The following PCDH15 variants were observed in gnomAD, a reference collection of about 807,000 sequenced individuals.
PCDH15 encodes the protein protocadherin related 15.
In PCDH15, 129 loss-of-function variants were observed where a neutral mutation model predicts 178.5. The observed-to-expected ratio is 0.72, with a 90% CI of 0.63 to 0.84. PCDH15 has a LOEUF of 0.84. Ranked by LOEUF, PCDH15 falls within the 40% of genes least tolerant of loss-of-function variation. The pLI is 0.00. For missense variants in PCDH15, 2,230 were observed against 2,099.9 expected, an observed-to-expected ratio of 1.06 and a Z score of -1.21; for synonymous variants, 800 against 732.0, an observed-to-expected ratio of 1.09 and a Z score of -1.50.
intron 14 of PCDH15, among the ~76,000 whole-genome samples, chr10:54,151,755 A>G (rs1701549169): frequency 6.6e-6 from 1 of 152,182 alleles, no homozygotes; most frequent in African/African-American, 2.4e-5. Flanking sequence ...AGTAATTAAT[A>G]TATAAATCTC....
chr10:55,598,553 TATATA>T (rs1842989997), intron 2 of PCDH15, among the ~76,000 whole-genome samples: 1 of 91,748 alleles, frequency 1.1e-5, no homozygotes, highest in Non-Finnish European at 2.1e-5. Flanking sequence ...TATATATATA[TATATA>T]TATATATATA....
Position 53,882,181 on chromosome 10 carries a change from G to C in PCDH15, c.3502-15324C>G, listed in dbSNP as rs184387914. ...TGAGGCAGGGCTTGCATGTCTGTGA[G>C]ACTTGCTGGCTCCTTGCTTCTAGCA... On this transcript the variant is annotated intron_variant, in intron 26 of 37. Coordinates refer to ENST00000644397, the MANE Select transcript of PCDH15 (RefSeq NM_001384140.1). 2.0e-5 allele frequency among the ~76,000 whole-genome samples: 3 copies of C among 152,072 alleles called. No homozygotes were observed. In the East Asian group the frequency reaches 5.8e-4, roughly 30 times the overall value.
At chr10:54,664,431 C>T in intron 1 of PCDH15, 141 bp from the exon 2 acceptor site, 1 of 645,980 alleles carries the variant, frequency 1.5e-6, no homozygotes, top group South Asian at 1.7e-5. Context: ...CAAAGTAACA[C>T]ACTGGTTTAA....
chr10:55,549,414 T>C (rs566294434), intron 2 of PCDH15, among the ~76,000 whole-genome samples: 6 of 152,204 alleles, frequency 3.9e-5, no homozygotes, highest in African/African-American at 1.2e-4. Flanking sequence ...TCCAAGATGA[T>C]GGGTATGCAT....
intron 1 of PCDH15, among the ~76,000 whole-genome samples, chr10:54,735,425 A>C (rs561876765): frequency 3.3e-5 from 5 of 151,938 alleles, no homozygotes; most frequent in East Asian, 1.9e-4. Flanking sequence ...GTGGGACTGT[A>C]AACTAGTTCA....
At chr10:55,558,544 C>T (rs1454181553) in intron 2 of PCDH15, among the ~76,000 whole-genome samples, 1 of 152,082 alleles carries the variant, frequency 6.6e-6, no homozygotes, top group African/African-American at 2.4e-5. Context: ...TGTTTTAAAA[C>T]AACTGCAGAA....
In PCDH15 at chr10:55,048,383, A is replaced by G. The variant is rs1841067263; in HGVS notation, c.-80+118193T>C. On this transcript the variant is annotated intron_variant, in intron 2 of 5. Coordinates refer to the PCDH15 transcript ENST00000458638. Reference sequence around the variant, plus strand: ...AACCTGAGTTTTGTTCAATAGAAAAAACTATCCAAGGCCAGTAAATAAGAA... The same window carrying G: ...AACCTGAGTTTTGTTCAATAGAAAAGACTATCCAAGGCCAGTAAATAAGAA... Among the ~76,000 whole-genome samples the G allele has an allele frequency of 2.6e-5, 4 of 152,012 alleles. No homozygotes were observed. In the South Asian group the frequency reaches 8.3e-4, roughly 31 times the overall value.
intron 20 of PCDH15, among the ~76,000 whole-genome samples, chr10:54,002,130 GTA>G (rs367585512): frequency 6.7e-6 from 1 of 149,320 alleles, no homozygotes; most frequent in Admixed American, 6.7e-5. Context: ...GTGTGTGTGT[GTA>G]TATATATATA....
chr10:54,442,100 T>A (rs537143726), intron 3 of PCDH15, among the ~76,000 whole-genome samples: 2 of 151,716 alleles, frequency 1.3e-5, no homozygotes, highest in Non-Finnish European at 1.5e-5. Flanking sequence ...TGGAATATTA[T>A]ATTTTCCTGC....
intron 1 of PCDH15, among the ~76,000 whole-genome samples, chr10:55,313,155 A>G (rs527625990): frequency 6.6e-6 from 1 of 152,314 alleles, no homozygotes; most frequent in South Asian, 2.1e-4. Context: ...TCTCCTACAC[A>G]TAAGACACTA....
chr10:55,302,238 T>C (rs1843305235), intron 1 of PCDH15, among the ~76,000 whole-genome samples: 1 of 152,142 alleles, frequency 6.6e-6, no homozygotes, highest in Non-Finnish European at 1.5e-5. Flanking sequence ...GTGTGTTTCT[T>C]CATTTATTTA....
At chr10:54,804,948 T>TATATATATATATATATATATACACAC (rs905516559), upstream of PCDH15, among the ~76,000 whole-genome samples, 1 of 127,242 alleles carries the variant, frequency 7.9e-6, no homozygotes, top group East Asian at 2.5e-4. Flanking sequence ...TATATATATA[T>TATATATATATATATATATATACACAC]ACAGAGTTTG....
intron 1 of PCDH15, among the ~76,000 whole-genome samples, chr10:55,246,129 T>C (rs1841672271): frequency 6.6e-6 from 1 of 152,240 alleles, no homozygotes; most frequent in African/African-American, 2.4e-5. Context: ...TAGCTATTCA[T>C]GGTGACTTTC....
intron 26 of PCDH15, among the ~76,000 whole-genome samples, chr10:53,870,776 T>C (rs2079782945): frequency 1.3e-5 from 2 of 152,192 alleles, no homozygotes; most frequent in South Asian, 2.1e-4. Context: ...CATACATAGA[T>C]AACAACCAAA....
At chr10:54,611,701 A>G (rs925246736) in intron 2 of PCDH15, among the ~76,000 whole-genome samples, 1 of 151,838 alleles carries the variant, frequency 6.6e-6, no homozygotes, top group Non-Finnish European at 1.5e-5. Flanking sequence ...CATTTAATCA[A>G]GGCACCTTAG....
At chr10:55,232,421 A>G (rs1226683401) in intron 1 of PCDH15, among the ~76,000 whole-genome samples, 1 of 152,108 alleles carries the variant, frequency 6.6e-6, no homozygotes, top group East Asian at 1.9e-4. Context: ...ATACAGAATA[A>G]TATAATGTAT....
intron 2 of PCDH15, among the ~76,000 whole-genome samples, chr10:55,428,083 CT>C (rs1362882538): frequency 2.0e-5 from 3 of 151,916 alleles, no homozygotes; most frequent in Non-Finnish European, 4.4e-5. Flanking sequence ...TCTATTTTAG[CT>C]TATTTCTACA....
intron 2 of PCDH15, among the ~76,000 whole-genome samples, chr10:55,407,977 G>A (rs990469555): frequency 2.0e-5 from 3 of 151,972 alleles, no homozygotes; most frequent in African/African-American, 7.3e-5. Context: ...TGCAAAAAGG[G>A]ATCAAAGGAG....
intron 25 of PCDH15, among the ~76,000 whole-genome samples, chr10:53,935,107 A>T (rs1244850050): frequency 6.6e-6 from 1 of 152,170 alleles, no homozygotes; most frequent in Admixed American, 6.5e-5. Flanking sequence ...AAATAAGACC[A>T]GTTTGTCATT....
Sources: gnomAD v4.1 joint callset for allele counts (sites outside exome capture counted in the v4.1 genomes callset) on GRCh38, gnomAD v4.1.1 for gene constraint, MANE v1.5 for transcripts, NCBI Gene and HGNC (gene_info 2026-07-23, HGNC 2026-07-21) for gene names.